The following FRAS1 variants were observed in gnomAD, a reference collection of about 807,000 sequenced individuals.
FRAS1 encodes extracellular matrix organizing protein FRAS1.
In FRAS1, 290 loss-of-function variants were observed where a neutral mutation model predicts 435.2. The ratio of observed to expected loss-of-function variants is 0.67; its 90% confidence interval spans 0.61 to 0.73. The LOEUF (loss-of-function observed/expected upper bound fraction) is 0.73. FRAS1 is among the 30% of genes least tolerant of loss of function. FRAS1 has a pLI of 0.00. For missense variants in FRAS1, 4,860 were observed against 5,001.5 expected, an observed-to-expected ratio of 0.97 and a Z score of 0.85; for synonymous variants, 1,800 against 1,851.0, an observed-to-expected ratio of 0.97 and a Z score of 0.71.
At chr4:78,185,388 C>T (rs1000320561) in intron 2 of FRAS1, among the ~76,000 whole-genome samples, 15 of 152,124 alleles carry the variant, frequency 9.9e-5, no homozygotes, top group African/African-American at 3.4e-4. Context: ...TGTATTTGTG[C>T]CAGAGTTTAT....
chr4:78,255,414 A>G (rs778199907), intron 6 of FRAS1, 39 bp downstream of exon 6: 35 of 1,541,232 alleles, frequency 2.3e-5, no homozygotes, highest in Middle Eastern at 1.7e-4. Flanking sequence ...TTCACGGGCT[A>G]TTGAAGAACT....
chr4:78,168,911 G>T (rs1450708507), intron 2 of FRAS1, among the ~76,000 whole-genome samples: 1 of 152,106 alleles, frequency 6.6e-6, no homozygotes, highest in Non-Finnish European at 1.5e-5. Flanking sequence ...TCGTATGAGG[G>T]TGCTTTGTGT....
intron 47 of FRAS1, among the ~76,000 whole-genome samples, chr4:78,461,231 C>T (rs563575166): frequency 6.6e-6 from 1 of 152,200 alleles, no homozygotes; most frequent in East Asian, 1.9e-4. Context: ...TCCTACTTGT[C>T]TAGATTTTTC....
At chr4:78,522,342 A>G (rs536173589) in intron 68 of FRAS1, among the ~76,000 whole-genome samples, 1 of 152,318 alleles carries the variant, frequency 6.6e-6, no homozygotes. Context: ...TTCAGTGTTC[A>G]TTGTCACATA....
chr4:78,407,634 CACTA>C (rs777124400), intron 30 of FRAS1, 25 bp from the exon 31 acceptor site: 5 of 1,566,680 alleles, frequency 3.2e-6, no homozygotes, highest in Non-Finnish European at 4.3e-6. Context: ...TAGGGACCCT[CACTA>C]ACTATGTGGC....
chr4:78,250,488 G>A (rs1474282377), intron 4 of FRAS1, among the ~76,000 whole-genome samples: 1 of 152,068 alleles, frequency 6.6e-6, no homozygotes, highest in Non-Finnish European at 1.5e-5. Flanking sequence ...GGCATTTCTT[G>A]TATTTAAGCC....
At chr4:78,092,182 CT>C (rs1741560393) in intron 2 of FRAS1, among the ~76,000 whole-genome samples, 1 of 151,984 alleles carries the variant, frequency 6.6e-6, no homozygotes, top group Non-Finnish European at 1.5e-5. Context: ...TCAAATCCCA[CT>C]TTGCTGCTTT....
chr4:78,492,042 A>G (rs772069926), intron 59 of FRAS1, among the ~76,000 whole-genome samples: 39 of 152,226 alleles, frequency 2.6e-4, no homozygotes, highest in Non-Finnish European at 4.9e-4. Context: ...GTGAACTCCC[A>G]TTCACAATTG....
chr4:78,428,929 T>G (rs1734101292), intron 35 of FRAS1, among the ~76,000 whole-genome samples, 166 bp from the exon 36 acceptor site: 1 of 152,166 alleles, frequency 6.6e-6, no homozygotes, highest in Non-Finnish European at 1.5e-5. Context: ...CTTTCTTCAT[T>G]TGTAAGCATC....
intron 2 of FRAS1, among the ~76,000 whole-genome samples, chr4:78,085,909 T>C (rs1250548117): frequency 6.6e-6 from 1 of 152,088 alleles, no homozygotes; most frequent in Non-Finnish European, 1.5e-5. Context: ...TGAACTCAGC[T>C]CTGCACCAAG....
chr4:78,511,611 A>G, intron 64 of FRAS1, 105 bp downstream of exon 64: 6 of 920,446 alleles, frequency 6.5e-6, no homozygotes, highest in Non-Finnish European at 1.0e-5. Flanking sequence ...GCATGATAAA[A>G]ATGTGATGAT....
At chr4:78,092,154 T>G (rs1213978110) in intron 2 of FRAS1, among the ~76,000 whole-genome samples, 1 of 151,984 alleles carries the variant, frequency 6.6e-6, no homozygotes, top group Non-Finnish European at 1.5e-5. Context: ...AAAAAGAGAC[T>G]TTTAGGTAGA....
At chr4:78,531,455 A>T (rs1721712726) in intron 70 of FRAS1, among the ~76,000 whole-genome samples, 1 of 152,172 alleles carries the variant, frequency 6.6e-6, no homozygotes, top group Admixed American at 6.6e-5. Context: ...TTGCCCATTC[A>T]GTATCATATT....
chr4:78,423,375 C>T (rs1185227940), intron 34 of FRAS1, among the ~76,000 whole-genome samples: 1 of 152,064 alleles, frequency 6.6e-6, no homozygotes, highest in African/African-American at 2.4e-5. Flanking sequence ...CCATATTGGT[C>T]AGGCTGGTCT....
At chr4:78,066,750 A>G (rs1740059650) in intron 2 of FRAS1, among the ~76,000 whole-genome samples, 2 of 152,232 alleles carry the variant, frequency 1.3e-5, no homozygotes, top group African/African-American at 2.4e-5. Context: ...ATGGTTGGAA[A>G]GAATTTGCTC....
At chr4:78,198,936 G>A (rs1722937858) in intron 2 of FRAS1, among the ~76,000 whole-genome samples, 1 of 152,160 alleles carries the variant, frequency 6.6e-6, no homozygotes, top group Non-Finnish European at 1.5e-5. Context: ...TTAATTGACT[G>A]TTTATATTAT....
chr4:78,273,558 T>A (rs1398193564), intron 9 of FRAS1, among the ~76,000 whole-genome samples: 1 of 152,204 alleles, frequency 6.6e-6, no homozygotes, highest in African/African-American at 2.4e-5. Flanking sequence ...GTTTTCTGCA[T>A]CTATTGAGAT....
chr4:78,397,992 C>T (rs1732741330), intron 29 of FRAS1, among the ~76,000 whole-genome samples: 1 of 151,932 alleles, frequency 6.6e-6, no homozygotes, highest in South Asian at 2.1e-4. Flanking sequence ...CACTGGGGTA[C>T]TGGAAACTTT....
Position 78,282,839 on chromosome 4 carries a change from A to G in FRAS1, c.1127A>G (p.Asp376Gly). The G allele has an allele frequency of 6.2e-7, 1 of 1,613,450 alleles. No individual in the cohort carries two copies. ...GCGTAGGAGGGAGAGAAGTGGGAAGATGGCCCTTGCAAGGTGTGTGAGTGC... is the reference window on the plus strand; with the variant it reads ...GCGTAGGAGGGAGAGAAGTGGGAAGGTGGCCCTTGCAAGGTGTGTGAGTGC... ...KRIPEGEKWE[D>G]GPCKVCECRG... The change falls in exon 12 of 74, where the codon GAT becomes GGT. Residue 376 changes from aspartate (D) to glycine (G), a missense_variant. Physicochemically the swap from Asp to Gly is moderately conservative, Grantham distance 94 (BLOSUM62 -1). Coordinates refer to ENST00000512123, the MANE Select transcript of FRAS1 (RefSeq NM_025074.7).
Sources: gnomAD v4.1 joint callset for allele counts (sites outside exome capture counted in the v4.1 genomes callset) on GRCh38, gnomAD v4.1.1 for gene constraint, MANE v1.5 for transcripts, NCBI Gene and HGNC (gene_info 2026-07-23, HGNC 2026-07-21) for gene names.